Variants in CADPS2 observed in about 807,000 individuals in gnomAD.
The protein encoded by CADPS2 is calcium-dependent secretion activator 2.
CADPS2 carries 93 observed loss-of-function variants against 172.5 expected under a neutral mutation model. The ratio of observed to expected loss-of-function variants is 0.54; its 90% CI spans 0.46 to 0.64. CADPS2 has a LOEUF of 0.64. Among genes scored for constraint, CADPS2 ranks in the 30% least tolerant of loss-of-function variants. The probability of loss-of-function intolerance (pLI) is 0.00; values close to 1 mark genes in which losing one functional copy is unlikely to be tolerated. For synonymous variants in CADPS2, 546 were observed against 555.2 expected, an observed-to-expected ratio of 0.98 and a Z score of 0.23; for missense variants, 1,420 against 1,565.9, an observed-to-expected ratio of 0.91 and a Z score of 1.57.
intron 28 of CADPS2, among the ~76,000 whole-genome samples, chr7:122,326,896 T>C (rs984298621): frequency 6.6e-6 from 1 of 152,044 alleles, no homozygotes; most frequent in African/African-American, 2.4e-5. Flanking sequence ...AATGAACATA[T>C]ATGCATCAAA....
At chr7:122,855,805 T>C (rs943351668) in intron 1 of CADPS2, among the ~76,000 whole-genome samples, 3 of 152,198 alleles carry the variant, frequency 2.0e-5, no homozygotes, top group Non-Finnish European at 4.4e-5. Flanking sequence ...ACAAACATGG[T>C]CAAAATTAAA....
At chr7:122,717,302 T>C (rs1203037556) in intron 2 of CADPS2, among the ~76,000 whole-genome samples, 1 of 152,150 alleles carries the variant, frequency 6.6e-6, no homozygotes, top group Non-Finnish European at 1.5e-5. Flanking sequence ...TAGCAATGCC[T>C]GAGTAGTCTG....
intron 14 of CADPS2, among the ~76,000 whole-genome samples, chr7:122,458,858 A>G (rs1450108284): frequency 6.6e-6 from 1 of 152,112 alleles, no homozygotes; most frequent in Non-Finnish European, 1.5e-5. Flanking sequence ...AAGAGAAAGA[A>G]ATACCAAGAG....
intron 1 of CADPS2, among the ~76,000 whole-genome samples, chr7:122,741,214 A>C (rs1378263340): frequency 6.6e-6 from 1 of 152,178 alleles, no homozygotes; most frequent in East Asian, 1.9e-4. Context: ...TTGGGGCAGA[A>C]AGCAAGTTAT....
intron 9 of CADPS2, among the ~76,000 whole-genome samples, chr7:122,492,502 A>G (rs2058382498): frequency 6.6e-6 from 1 of 152,086 alleles, no homozygotes; most frequent in South Asian, 2.1e-4. Context: ...TCATTAGCCC[A>G]GTTTGGGTCA....
At chr7:122,698,281 A>G (rs1183879842) in intron 2 of CADPS2, 1 of 1,614,060 alleles carries the variant, frequency 6.2e-7, no homozygotes, top group Admixed American at 1.7e-5. Context: ...TGCTAAACAA[A>G]GTCTATGAAT....
At chr7:122,500,303 G>C (rs781117320) in intron 9 of CADPS2, among the ~76,000 whole-genome samples, 175 of 152,004 alleles carry the variant, frequency 1.2e-3, no homozygotes, top group Non-Finnish European at 2.1e-3. Flanking sequence ...GTGTGGCACA[G>C]AGTCACTGCT....
chr7:122,721,181 A>T (rs909873752), intron 2 of CADPS2, among the ~76,000 whole-genome samples: 2 of 152,076 alleles, frequency 1.3e-5, no homozygotes, highest in African/African-American at 4.8e-5. Flanking sequence ...TCTAATAATT[A>T]ATTCCTGCTT....
intron 8 of CADPS2, among the ~76,000 whole-genome samples, chr7:122,527,495 T>G (rs1243080341): frequency 2.6e-5 from 4 of 151,784 alleles, no homozygotes; most frequent in Non-Finnish European, 1.5e-5. Context: ...GTATCTCTTT[T>G]CTTTGCCCGA....
At chr7:122,430,674 G>T (rs1202518585) in intron 17 of CADPS2, among the ~76,000 whole-genome samples, 1 of 152,150 alleles carries the variant, frequency 6.6e-6, no homozygotes, top group African/African-American at 2.4e-5. Flanking sequence ...TGAAATGGTA[G>T]CATTTTATAA....
chr7:122,603,385 G>A (rs987771545), intron 6 of CADPS2, among the ~76,000 whole-genome samples: 3 of 146,546 alleles, frequency 2.0e-5, no homozygotes, highest in African/African-American at 8.2e-5. Flanking sequence ...AACTCCTCCT[G>A]TAAATTTCCT....
intron 2 of CADPS2, among the ~76,000 whole-genome samples, chr7:122,731,332 C>A (rs1562879971): frequency 6.6e-6 from 1 of 151,512 alleles, no homozygotes; most frequent in Non-Finnish European, 1.5e-5. Flanking sequence ...AGCTAGTAAG[C>A]AACTGTATAC....
chr7:122,711,231 A>G lies in CADPS2; in HGVS notation c.453+25724T>C, dbSNP rs1347591869. 2.6e-5 allele frequency among the ~76,000 whole-genome samples: 4 copies of G among 152,302 alleles called. No individual in the cohort carries two copies. In the East Asian group the frequency reaches 7.7e-4, roughly 29 times the overall value. Reference sequence around the variant, plus strand: ...TCTCTGTATCTGAAAAATGGACTAAATATGGAATAATATGCAGCCATAAAG... The same window carrying G: ...TCTCTGTATCTGAAAAATGGACTAAGTATGGAATAATATGCAGCCATAAAG... On this transcript the variant is annotated intron_variant, in intron 2 of 29. Coordinates refer to ENST00000449022, the MANE Select transcript of CADPS2 (RefSeq NM_017954.11).
At chr7:122,617,743 G>C (rs950045441) in intron 5 of CADPS2, among the ~76,000 whole-genome samples, 5 of 152,082 alleles carry the variant, frequency 3.3e-5, no homozygotes, top group African/African-American at 9.7e-5. Flanking sequence ...AAAGAATTCA[G>C]TCTAAAAAAT....
chr7:122,369,155 T>TGAGATG (rs375882337), intron 25 of CADPS2, among the ~76,000 whole-genome samples: 1 of 99,464 alleles, frequency 1.0e-5, no homozygotes, highest in African/African-American at 4.0e-5. Context: ...TTTTTTTTTT[T>TGAGATG]GAGTCTCGCT....
intron 1 of CADPS2, among the ~76,000 whole-genome samples, chr7:122,776,376 T>G (rs2093882950): frequency 1.3e-5 from 2 of 152,134 alleles, no homozygotes; most frequent in African/African-American, 2.4e-5. Context: ...ATCAGTCCAT[T>G]AAACCTATTT....
At chr7:122,506,361 T>C (rs2059607389) in intron 9 of CADPS2, among the ~76,000 whole-genome samples, 2 of 152,308 alleles carry the variant, frequency 1.3e-5, no homozygotes, top group South Asian at 2.1e-4. Flanking sequence ...TTGTTGAGAA[T>C]TGGGAGATAT....
At chr7:122,654,143 T>G (rs1273953587) in intron 3 of CADPS2, among the ~76,000 whole-genome samples, 2 of 152,168 alleles carry the variant, frequency 1.3e-5, no homozygotes, top group Non-Finnish European at 2.9e-5. Flanking sequence ...AAGAAAAGTT[T>G]GAAGCTAGGA....
chr7:122,814,963 A>G (rs1800950104), intron 1 of CADPS2, among the ~76,000 whole-genome samples: 1 of 152,102 alleles, frequency 6.6e-6, no homozygotes, highest in Admixed American at 6.5e-5. Flanking sequence ...AGCTGTGTGG[A>G]ATTATTCCTA....
Sources: allele counts gnomAD v4.1 joint callset (sites outside exome capture counted in the v4.1 genomes callset), GRCh38; gene constraint gnomAD v4.1.1; transcripts MANE v1.5; gene names NCBI Gene and HGNC (gene_info 2026-07-23, HGNC 2026-07-21).